Variants in TET2 observed in about 807,000 individuals in gnomAD.
TET2 encodes tet methylcytosine dioxygenase 2.
TET2 carries 299 observed loss-of-function variants against 142.9 expected under a neutral mutation model. The ratio of observed to expected loss-of-function variants is 2.09; its 90% CI spans 1.90 to 2.30. The LOEUF is 2.30. Among genes scored for constraint, TET2 ranks in the 30% most tolerant of loss-of-function variants. The pLI is 0.00. For missense variants in TET2, 2,418 were observed against 2,378.0 expected (o/e 1.02, Z -0.35); for synonymous variants, 819 against 849.0 (o/e 0.96, Z 0.61).
chr4:105,228,708 A>G (rs1728324122), intron 2 of TET2, among the ~76,000 whole-genome samples: 1 of 152,096 alleles, frequency 6.6e-6, no homozygotes, highest in Non-Finnish European at 1.5e-5. Context: ...TACAGTTACC[A>G]AAAGAAAAGT....
chr4:105,212,068 G>A (rs1265235906), intron 2 of TET2, among the ~76,000 whole-genome samples: 1 of 152,294 alleles, frequency 6.6e-6, no homozygotes, highest in South Asian at 2.1e-4. Flanking sequence ...TTCTCACCTT[G>A]ATTATTCCTT....
intron 6 of TET2, among the ~76,000 whole-genome samples, chr4:105,246,973 G>C (rs1729613439): frequency 6.6e-6 from 1 of 152,022 alleles, no homozygotes; most frequent in Admixed American, 6.5e-5. Flanking sequence ...TATTTTTTTG[G>C]CAAGTAAGAG....
chr4:105,265,558 A>G (rs1005328422), intron 8 of TET2, among the ~76,000 whole-genome samples: 5 of 152,242 alleles, frequency 3.3e-5, no homozygotes, highest in Non-Finnish European at 7.3e-5. Flanking sequence ...GCACACATCT[A>G]TGTTAAAGAG....
chr4:105,224,191 C>G (rs1728033327), intron 2 of TET2, among the ~76,000 whole-genome samples: 4 of 151,682 alleles, frequency 2.6e-5, no homozygotes, highest in Admixed American at 2.6e-4. Flanking sequence ...AAAACAAAAA[C>G]AAAATCAAGC....
intron 2 of TET2, among the ~76,000 whole-genome samples, chr4:105,192,526 T>C (rs17583593): frequency 0.034 from 5,194 of 152,276 alleles, 301 homozygotes; most frequent in East Asian, 0.23. Flanking sequence ...TTGCCCAACA[T>C]ATAGTAAGTT....
At chr4:105,216,358 T>TA (rs1727493531) in intron 2 of TET2, among the ~76,000 whole-genome samples, 1 of 152,112 alleles carries the variant, frequency 6.6e-6, no homozygotes, top group Non-Finnish European at 1.5e-5. Context: ...GTGCTTCTGG[T>TA]AATAACAGTT....
chr4:105,226,014 A>G (rs1728170003), intron 2 of TET2, among the ~76,000 whole-genome samples: 1 of 152,216 alleles, frequency 6.6e-6, no homozygotes, highest in African/African-American at 2.4e-5. Context: ...TGTTGGCAAA[A>G]GACATGCAAA....
intron 2 of TET2, among the ~76,000 whole-genome samples, chr4:105,230,026 G>T (rs939027135): frequency 1.3e-5 from 2 of 151,910 alleles, no homozygotes; most frequent in Admixed American, 1.3e-4. Context: ...GTATATATGA[G>T]CATATTTGTC....
chr4:105,233,256 C>T (rs1399725350), intron 2 of TET2, among the ~76,000 whole-genome samples: 1 of 151,780 alleles, frequency 6.6e-6, no homozygotes, highest in African/African-American at 2.4e-5. Context: ...TGGTAGCAGG[C>T]ACCTGTAATC....
At chr4:105,184,720 GGTGT>G (rs34103341) in intron 1 of TET2, among the ~76,000 whole-genome samples, 29,602 of 150,682 alleles carry the variant, frequency 0.2, 3,555 homozygotes, top group East Asian at 0.47. Flanking sequence ...CTTGCAGAGA[GGTGT>G]GTGTGTGTGT....
At chr4:105,172,375 CTG>C (rs1299558172) in intron 1 of TET2, 9 of 152,146 alleles carry the variant, frequency 5.9e-5, no homozygotes, top group African/African-American at 1.7e-4. Flanking sequence ...AGAAAAGAAA[CTG>C]TTATTAAGAA....
At chr4:105,146,435 G>T (rs75973876), upstream of TET2, 4,933 of 152,544 alleles carry the variant, frequency 0.032, 223 homozygotes, top group East Asian at 0.16. Context: ...CCCCTACTCC[G>T]CGCTGGTCCG....
Position 105,259,770 on chromosome 4 carries a change from G to T in TET2, c.3954+1G>T, listed in dbSNP as rs1011965788. The T allele has an allele frequency of 1.9e-6, 3 of 1,549,522 alleles. No homozygotes were observed. The highest frequency in any genetic ancestry group is 2.0e-5 in the Admixed American group (1 of 50,822). On this transcript the variant is annotated splice_donor_variant, in intron 7 of 10. Transcript: ENST00000380013. LOFTEE classifies it high-confidence loss of function. ...GCTGCTTGGGGATGACCCAAAAGAG[G>T]TTTGTTTACTTCCTGATGTATAATC...
chr4:105,189,516 C>T (rs1443303730), intron 1 of TET2, among the ~76,000 whole-genome samples: 1 of 152,174 alleles, frequency 6.6e-6, no homozygotes, highest in African/African-American at 2.4e-5. Flanking sequence ...CTCCAATTTG[C>T]TGCAGCTGTA....
rs765006851 is a variant in TET2, at chr4:105,235,504, G to A, written c.1562G>A (p.Ser521Asn). 1.2e-6 allele frequency: 2 copies of A among 1,614,052 alleles called. No homozygotes were observed. The highest frequency in any genetic ancestry group is 2.7e-5 in the African/African-American group (2 of 74,928). ...HLKHNPPIFGSSGELQDNCQQ... is the reference protein window; with the variant it reads ...HLKHNPPIFGNSGELQDNCQQ... Reference sequence around the variant, plus strand: ...AAGCATAACCCACCAATTTTTGGTAGCAGTGGAGAGCTACAGGACAACTGC... The same window carrying A: ...AAGCATAACCCACCAATTTTTGGTAACAGTGGAGAGCTACAGGACAACTGC... Residue 521 changes from serine (S) to asparagine (N), a missense_variant, in exon 3 of 11, where the codon AGC becomes AAC. Physicochemically the swap from Ser to Asn is conservative, Grantham distance 46. Transcript: ENST00000380013.
intron 1 of TET2, chr4:105,172,362 T>C (rs1432319229): frequency 2.0e-5 from 3 of 152,154 alleles, no homozygotes. Flanking sequence ...TAAACTAAGC[T>C]AGAGAAAAGA....
At chr4:105,148,032 CTCTT>C (rs756704898) in intron 1 of TET2, among the ~76,000 whole-genome samples, 77 of 152,138 alleles carry the variant, frequency 5.1e-4, no homozygotes, top group Non-Finnish European at 8.8e-4. Flanking sequence ...CTCCTCTCTA[CTCTT>C]TCTTCTCTCT....
chr4:105,185,311 G>C (rs1725363664), intron 1 of TET2, among the ~76,000 whole-genome samples: 1 of 152,100 alleles, frequency 6.6e-6, no homozygotes, highest in African/African-American at 2.4e-5. Flanking sequence ...TGTTGAATAA[G>C]AGCACAGGCT....
At chr4:105,270,117 A>G (rs1322708021) in intron 9 of TET2, among the ~76,000 whole-genome samples, 1 of 152,192 alleles carries the variant, frequency 6.6e-6, no homozygotes. Context: ...TTAGGTAGGG[A>G]CACAGCCAGA....
Sources: allele counts gnomAD v4.1 joint callset (sites outside exome capture counted in the v4.1 genomes callset), GRCh38; gene constraint gnomAD v4.1.1; transcripts MANE v1.5; gene names NCBI Gene and HGNC (gene_info 2026-07-23, HGNC 2026-07-21).